ANO2: variants seen among roughly 807,000 people sequenced by gnomAD.
ANO2 encodes anoctamin-2.
ANO2 carries 101 observed loss-of-function variants against 124.2 expected under a neutral mutation model. That is an observed-to-expected ratio of 0.81 (90% CI 0.69 to 0.96). The LOEUF (loss-of-function observed/expected upper bound fraction) is 0.96, where lower values mean the gene tolerates loss of function less well. Ranked by LOEUF, ANO2 falls within the 40% of genes least tolerant of loss-of-function variation. The probability of loss-of-function intolerance (pLI) is 0.00; values close to 1 mark genes in which losing one functional copy is unlikely to be tolerated. For missense variants in ANO2, 1,293 were observed against 1,274.5 expected, an observed-to-expected ratio of 1.01 and a Z score of -0.22; for synonymous variants, 486 against 482.5, an observed-to-expected ratio of 1.01 and a Z score of -0.09.
intron 10 of ANO2, among the ~76,000 whole-genome samples, chr12:5,760,345 C>G (rs189494501): frequency 6.6e-6 from 1 of 152,254 alleles, no homozygotes; most frequent in Non-Finnish European, 1.5e-5. Flanking sequence ...TTTCATTTCT[C>G]AAAAGCCTGT....
intron 7 of ANO2, among the ~76,000 whole-genome samples, chr12:5,809,881 C>T (rs1953331688): frequency 6.6e-6 from 1 of 152,188 alleles, no homozygotes; most frequent in Admixed American, 6.5e-5. Flanking sequence ...AGTCACCGGC[C>T]CTACGGCTGC....
chr12:5,708,944 C>T (rs914217894), intron 14 of ANO2, among the ~76,000 whole-genome samples: 4 of 152,186 alleles, frequency 2.6e-5, no homozygotes, highest in Non-Finnish European at 5.9e-5. Flanking sequence ...TTGTTTAATG[C>T]CAGTCTTTCC....
intron 14 of ANO2, among the ~76,000 whole-genome samples, chr12:5,701,583 G>A (rs1591945358): frequency 1.3e-5 from 2 of 152,234 alleles, no homozygotes; most frequent in South Asian, 2.1e-4. Context: ...ATCCACTTAA[G>A]AGCATTCTTA....
intron 7 of ANO2, among the ~76,000 whole-genome samples, chr12:5,818,319 C>T (rs995090756): frequency 4.6e-5 from 7 of 151,592 alleles, no homozygotes; most frequent in Admixed American, 3.3e-4. Context: ...CTTTCTCCTG[C>T]GCTGGACCCT....
chr12:5,613,009 T>C, intron 17 of ANO2, 51 bp from the exon 18 acceptor site: 1 of 1,587,732 alleles, frequency 6.3e-7, no homozygotes, highest in Non-Finnish European at 8.6e-7. Context: ...GCATGCAGGG[T>C]GGCTCAAGGA....
chr12:5,937,934 G>T (rs1942722441), intron 1 of ANO2, among the ~76,000 whole-genome samples: 1 of 152,252 alleles, frequency 6.6e-6, no homozygotes, highest in Middle Eastern at 3.4e-3. Context: ...TGGAATGTTA[G>T]GACATGCTCA....
intron 14 of ANO2, among the ~76,000 whole-genome samples, chr12:5,666,875 G>A (rs1167950288): frequency 6.7e-6 from 1 of 150,060 alleles, no homozygotes; most frequent in Non-Finnish European, 1.5e-5. Flanking sequence ...CTTCTAACGA[G>A]ATCTATGAAG....
At chr12:5,615,526 G>A (rs924221169) in intron 16 of ANO2, among the ~76,000 whole-genome samples, 8 of 152,070 alleles carry the variant, frequency 5.3e-5, no homozygotes, top group East Asian at 1.9e-4. Flanking sequence ...GTCTTTCTCC[G>A]TCCACCTTCC....
intron 13 of ANO2, among the ~76,000 whole-genome samples, chr12:5,735,468 C>A (rs1950820117): frequency 6.6e-6 from 1 of 152,196 alleles, no homozygotes; most frequent in Non-Finnish European, 1.5e-5. Context: ...GGCACTGAGG[C>A]TATACTGCCA....
intron 3 of ANO2, among the ~76,000 whole-genome samples, chr12:5,878,282 GA>G (rs1938244913): frequency 6.6e-6 from 1 of 152,218 alleles, no homozygotes; most frequent in Non-Finnish European, 1.5e-5. Flanking sequence ...TATAGATGAA[GA>G]AACTGAGGCT....
At chr12:5,859,121 T>C (rs1325715533) in intron 3 of ANO2, among the ~76,000 whole-genome samples, 1 of 152,154 alleles carries the variant, frequency 6.6e-6, no homozygotes, top group Admixed American at 6.5e-5. Context: ...ATGTTATAAA[T>C]AAGTAATCAA....
At chr12:5,865,790 C>T (rs1468348640) in intron 3 of ANO2, among the ~76,000 whole-genome samples, 15 of 152,072 alleles carry the variant, frequency 9.9e-5, no homozygotes. Context: ...TGCATTCACA[C>T]AATCATTCAT....
intron 10 of ANO2, among the ~76,000 whole-genome samples, chr12:5,796,277 G>A (rs528269012): frequency 1.4e-5 from 2 of 147,338 alleles, no homozygotes; most frequent in African/African-American, 5.0e-5. Flanking sequence ...ACACACGCAT[G>A]CACACACACT....
At chr12:5,856,506 A>G (rs983014197) in intron 3 of ANO2, 1 of 152,062 alleles carries the variant, frequency 6.6e-6, no homozygotes, top group African/African-American at 2.4e-5. Flanking sequence ...CTCCCTTGCA[A>G]TGAGGTGTTT....
At chr12:5,820,581 G>C (rs1953760038) in intron 7 of ANO2, among the ~76,000 whole-genome samples, 1 of 152,158 alleles carries the variant, frequency 6.6e-6, no homozygotes, top group Non-Finnish European at 1.5e-5. Flanking sequence ...GAGCTACTAT[G>C]GTGGGAAAGG....
intron 10 of ANO2, among the ~76,000 whole-genome samples, chr12:5,775,842 G>C (rs1406098853): frequency 1.3e-5 from 2 of 152,118 alleles, no homozygotes; most frequent in Non-Finnish European, 2.9e-5. Context: ...CCTACCTGAA[G>C]TCTTGCCCAG....
At chr12:5,663,270 C>T (rs1947536564) in intron 14 of ANO2, among the ~76,000 whole-genome samples, 1 of 152,148 alleles carries the variant, frequency 6.6e-6, no homozygotes, top group Non-Finnish European at 1.5e-5. Context: ...GGGCATGGGC[C>T]TCAACTCAAC....
chr12:5,671,898 A>G (rs888932344), intron 14 of ANO2, among the ~76,000 whole-genome samples: 1 of 152,136 alleles, frequency 6.6e-6, no homozygotes, highest in Non-Finnish European at 1.5e-5. Context: ...GCAGCAACAC[A>G]TTGCTTGGCC....
In ANO2 at chr12:5,732,517, T is replaced by C; in HGVS notation, c.1545+3A>G. The C allele has an allele frequency of 2.5e-6, 4 of 1,610,606 alleles. No individual in the cohort carries two copies. The highest frequency in any genetic ancestry group is 1.1e-5 in the South Asian group (1 of 90,400). ...ACCGTGAGCAGCAAGTCCAGCTTCA[T>C]ACCTCATCGCCACACTCCGTCGTGT... On this transcript the variant is annotated splice_donor_region_variant and intron_variant, in intron 14 of 24. Transcript: ENST00000682330.
Sources: gnomAD v4.1 joint callset for allele counts (sites outside exome capture counted in the v4.1 genomes callset) on GRCh38, gnomAD v4.1.1 for gene constraint, MANE v1.5 for transcripts, NCBI Gene and HGNC (gene_info 2026-07-23, HGNC 2026-07-21) for gene names.